Variants in ZNF180 observed in about 807,000 individuals in gnomAD.
The protein encoded by ZNF180 is zinc finger protein 180 (HHZ168).
ZNF180 carries 11 observed loss-of-function variants against 11.8 expected under a neutral mutation model. The observed-to-expected ratio is 0.93, with a 90% CI of 0.59 to 1.55. The LOEUF (loss-of-function observed/expected upper bound fraction) is 1.55. ZNF180 is among the 40% of genes most tolerant of loss of function. The probability of loss-of-function intolerance (pLI) is 0.00; values close to 1 mark genes in which losing one functional copy is unlikely to be tolerated. For synonymous variants in ZNF180, 287 were observed against 257.7 expected (o/e 1.11, Z -1.09); for missense variants, 773 against 781.7 (o/e 0.99, Z 0.13).
Position 44,476,943 on chromosome 19 carries a change from C to T in ZNF180, c.1457G>A (p.Arg486Lys), listed in dbSNP as rs1209689459. The T allele has an allele frequency of 6.2e-7, 1 of 1,613,916 alleles. No homozygotes were observed. Among genetic ancestry groups the T allele is most frequent in the African/African-American group, 1.3e-5 (1 of 74,894 alleles). ...AAAGGGTTTTTCTCCTGTGTGAGTT[C>T]TCTGATGAGCAACAAGTTTATAACT... The part of the protein sequence containing the change: ...SQSYKLVAHQ[R>K]THTGEKPFEC... The change falls in exon 5 of 5, where the codon AGA (arginine) becomes AAA (lysine). Residue 486 changes from arginine (R) to lysine (K), a missense_variant. Coordinates refer to ENST00000592529, the MANE Select transcript of ZNF180 (RefSeq NM_001278509.3).
chr19:44,490,589 A>G (rs1970427457), intron 2 of ZNF180, among the ~76,000 whole-genome samples: 3 of 152,356 alleles, frequency 2.0e-5, no homozygotes, highest in Admixed American at 2.0e-4. Context: ...AAATTTGTAA[A>G]TGCTAACCTG....
chr19:44,476,777 C>G lies in ZNF180; in HGVS notation c.1623G>C (p.Gln541His). 6.2e-7 allele frequency: 1 copy of G among 1,613,840 alleles called. No individual in the cohort carries two copies. Among genetic ancestry groups the G allele is most frequent in the Non-Finnish European group, 8.5e-7 (1 of 1,179,940 alleles). ...FNRSSHLVMH[Q>H]RIHTGEKPYE... Reference sequence around the variant, plus strand: ...ACGGTTTTTCCCCAGTGTGAATTCTCTGATGCATAACAAGGTGAGAACTGC... The same window carrying G: ...ACGGTTTTTCCCCAGTGTGAATTCTGTGATGCATAACAAGGTGAGAACTGC... The change falls in exon 5 of 5, where the codon CAG becomes CAC. Residue 541 changes from glutamine to histidine, a missense_variant. Gln to His is a conservative substitution (Grantham distance 24). Transcript: ENST00000592529.
chr19:44,492,374 TTTAAA>T (rs72288362), intron 2 of ZNF180, among the ~76,000 whole-genome samples: 46,213 of 151,750 alleles, frequency 0.3, 7,743 homozygotes, highest in African/African-American at 0.43. Context: ...CTGGAGCATC[TTTAAA>T]TTACCCTCTT....
chr19:44,498,622 A>G (rs569161016), intron 1 of ZNF180, among the ~76,000 whole-genome samples: 1 of 152,064 alleles, frequency 6.6e-6, no homozygotes, highest in African/African-American at 2.4e-5. Flanking sequence ...TCTAAAACTC[A>G]TCTCCGGCCT....
intron 2 of ZNF180, among the ~76,000 whole-genome samples, chr19:44,491,375 T>G (rs1970447254): frequency 6.6e-6 from 1 of 152,254 alleles, no homozygotes; most frequent in Admixed American, 6.5e-5. Flanking sequence ...CGTGCATGCA[T>G]GCACACCCAC....
rs556602176 is a variant in ZNF180 at position 44,477,997 on chromosome 19, A to G, written c.403T>C (p.Leu135=). The G allele has an allele frequency of 6.2e-7, 1 of 1,614,022 alleles. No individual in the cohort carries two copies. Among genetic ancestry groups the G allele is most frequent in the Admixed American group, 1.7e-5 (1 of 60,020 alleles). The change falls in exon 5 of 5, where the codon TTG becomes CTG. Residue 135 remains leucine (L), a synonymous_variant. Coordinates refer to ENST00000592529, the MANE Select transcript of ZNF180 (RefSeq NM_001278509.3). ...CEEVDDCKDQ[L]EKQQEKQEIL... is the part of the protein sequence containing the mutation. ...TCTTGTTTTTCCTGTTGCTTCTCCA[A>G]CTGGTCTTTACAATCATCCACTTCT...
At chr19:44,496,976 C>G (rs1452809614) in intron 2 of ZNF180, among the ~76,000 whole-genome samples, 1 of 152,228 alleles carries the variant, frequency 6.6e-6, no homozygotes, top group African/African-American at 2.4e-5. Context: ...TATCCTCTTA[C>G]ATTGCACATT....
At chr19:44,479,924 T>A (rs1240164050) in intron 3 of ZNF180, among the ~76,000 whole-genome samples, 2 of 152,202 alleles carry the variant, frequency 1.3e-5, no homozygotes, top group Non-Finnish European at 2.9e-5. Context: ...AATAGATCTT[T>A]ATTTACAAAA....
chr19:44,475,186 G>C lies in ZNF180; in HGVS notation c.*1216C>G, dbSNP rs148145555. 2.6e-5 allele frequency: 4 copies of C among 152,250 alleles called. No homozygotes were observed. The highest frequency in any genetic ancestry group is 9.6e-5 in the African/African-American group (4 of 41,546). 9.4% of individuals were successfully genotyped at this position (152,250 alleles called of 1,614,324 possible). On this transcript the variant is annotated 3_prime_UTR_variant, in exon 5 of 5. Transcript: ENST00000592529. ...TGTTAATCAAATCTTAAATATCAAA[G>C]AGTAACTAAAACTTTGCCTCATGAA...
At chr19:44,479,688 T>C (rs1268794920) in intron 3 of ZNF180, among the ~76,000 whole-genome samples, 2 of 152,236 alleles carry the variant, frequency 1.3e-5, no homozygotes. Context: ...AGGATGCTTA[T>C]TCTGACTTTT....
intron 1 of ZNF180, among the ~76,000 whole-genome samples, chr19:44,497,653 G>T (rs540086101): frequency 6.6e-6 from 1 of 152,016 alleles, no homozygotes; most frequent in Non-Finnish European, 1.5e-5. Context: ...GCCCAACATG[G>T]CCTTCTGCCC....
chr19:44,478,914 A>G (rs1006022298), intron 4 of ZNF180, among the ~76,000 whole-genome samples: 1 of 152,204 alleles, frequency 6.6e-6, no homozygotes, highest in Admixed American at 6.5e-5. Flanking sequence ...ACTTGAACAC[A>G]TGTATTGGAA....
Position 44,476,610 on chromosome 19 carries a change from T to G in ZNF180, c.1790A>C (p.Gln597Pro). 6.2e-7 allele frequency: 1 copy of G among 1,614,186 alleles called. No individual in the cohort carries two copies. The highest frequency in any genetic ancestry group is 2.2e-5 in the East Asian group (1 of 44,882). ...FRQSSCLTQH[Q>P]RTHTGEKPFE... ...TGGTTTCTCTCCAGTATGAGTTCTC[T>G]GATGTTGAGTAAGGCATGAACTCTG... The change falls in exon 5 of 5, where the codon CAG becomes CCG. Residue 597 changes from glutamine (Q) to proline (P), a missense_variant. Gln to Pro is a moderately conservative substitution (Grantham distance 76, BLOSUM62 -1). Transcript: ENST00000592529.
At chr19:44,499,237 C>T (rs1290241342) in intron 1 of ZNF180, among the ~76,000 whole-genome samples, 2 of 152,220 alleles carry the variant, frequency 1.3e-5, no homozygotes, top group East Asian at 1.9e-4. Context: ...GCCCTTTGTC[C>T]TTCTCTTGCC....
Position 44,483,969 on chromosome 19 carries a change from T to C in ZNF180, c.126+392A>G, listed in dbSNP as rs1365769217. ...TTCTTGAAAAAGTTGTCCACTTTTG[T>C]CTCCATTTCCTCACTTTCTTTCTTT... On this transcript the variant is annotated intron_variant, in intron 3 of 4. Coordinates refer to ENST00000592529, the MANE Select transcript of ZNF180 (RefSeq NM_001278509.3). Among the ~76,000 whole-genome samples the C allele has an allele frequency of 2.7e-5, 4 of 150,886 alleles. No individual in the cohort carries two copies. The East Asian group carries it at 7.9e-4, about 30-fold the overall frequency.
At chr19:44,483,585 C>T (rs1307999781) in intron 3 of ZNF180, among the ~76,000 whole-genome samples, 2 of 152,228 alleles carry the variant, frequency 1.3e-5, no homozygotes, top group African/African-American at 4.8e-5. Context: ...TAAGCCTTCT[C>T]TACCCTTGTC....
chr19:44,500,173 T>C (rs1024513454), intron 1 of ZNF180, 102 bp downstream of exon 1: 2 of 1,614,138 alleles, frequency 1.2e-6, no homozygotes, highest in African/African-American at 1.3e-5. Flanking sequence ...CCCGCACAGA[T>C]ACCAGGTCTC....
chr19:44,488,005 G>A (rs1278224922), intron 2 of ZNF180, among the ~76,000 whole-genome samples: 5 of 152,066 alleles, frequency 3.3e-5, no homozygotes, highest in Non-Finnish European at 5.9e-5. Flanking sequence ...GATTACAGGC[G>A]TGAGCCACCG....
At chr19:44,483,344 T>C (rs1169037226) in intron 3 of ZNF180, among the ~76,000 whole-genome samples, 4 of 152,240 alleles carry the variant, frequency 2.6e-5, no homozygotes, top group African/African-American at 4.8e-5. Context: ...GTCCACTCCA[T>C]AGGAAGTGGA....
Sources: gnomAD v4.1 joint callset for allele counts (sites outside exome capture counted in the v4.1 genomes callset) on GRCh38, gnomAD v4.1.1 for gene constraint, MANE v1.5 for transcripts, NCBI Gene and HGNC (gene_info 2026-07-23, HGNC 2026-07-21) for gene names.